The following SEPTIN9 variants were observed in gnomAD, a reference collection of about 807,000 sequenced individuals.
SEPTIN9 encodes septin 9.
Under a neutral mutation model 56.6 loss-of-function variants are expected in SEPTIN9, and 13 were observed. That is an observed-to-expected ratio of 0.23 (90% CI 0.15 to 0.37). SEPTIN9 has a LOEUF of 0.37. Among genes scored for constraint, SEPTIN9 ranks in the 10% least tolerant of loss-of-function variants. SEPTIN9 has a pLI of 1.00. For synonymous variants in SEPTIN9, 332 were observed against 334.1 expected (o/e 0.99, Z 0.07); for missense variants, 650 against 823.1 (o/e 0.79, Z 2.57).
At chr17:77,325,772 TTG>T (rs1331303185) in intron 2 of SEPTIN9, among the ~76,000 whole-genome samples, 2 of 152,180 alleles carry the variant, frequency 1.3e-5, no homozygotes, top group Admixed American at 6.5e-5. Context: ...TGCTTCCTGT[TTG>T]GAGGTGGTCA....
At chr17:77,386,699 G>T (rs2035348007) in intron 2 of SEPTIN9, among the ~76,000 whole-genome samples, 3 of 152,176 alleles carry the variant, frequency 2.0e-5, no homozygotes, top group Admixed American at 2.0e-4. Context: ...GTGACCACAG[G>T]CTTCCTGCCC....
chr17:77,488,716 C>G lies in SEPTIN9; in HGVS notation c.1125-11C>G. The G allele has an allele frequency of 6.2e-7, 1 of 1,613,456 alleles. No individual in the cohort carries two copies. The highest frequency in any genetic ancestry group is 1.6e-4 in the Middle Eastern group (1 of 6,062). ...CATGTGCCTGCTGACTCGTCCCCAT[C>G]CCCCACGCAGCTGGCAGCCCATCAT... On this transcript the variant is annotated splice_polypyrimidine_tract_variant and intron_variant, in intron 6 of 11. Coordinates refer to ENST00000427177, the MANE Select transcript of SEPTIN9 (RefSeq NM_001113491.2).
chr17:77,353,984 C>T (rs1399588865), intron 2 of SEPTIN9, among the ~76,000 whole-genome samples: 4 of 152,106 alleles, frequency 2.6e-5, no homozygotes, highest in Non-Finnish European at 5.9e-5. Flanking sequence ...CTGAAAGACT[C>T]CCCACAAGGG....
intron 3 of SEPTIN9, among the ~76,000 whole-genome samples, chr17:77,463,684 A>C (rs563595407): frequency 3.3e-5 from 5 of 152,110 alleles, no homozygotes; most frequent in African/African-American, 9.6e-5. Context: ...CTCTACTAAA[A>C]ATACAAAAAT....
chr17:77,314,976 T>C (rs2032643518), intron 2 of SEPTIN9, among the ~76,000 whole-genome samples: 2 of 152,180 alleles, frequency 1.3e-5, no homozygotes, highest in Admixed American at 6.5e-5. Flanking sequence ...ACTGGGCCCC[T>C]GTGGAGCCCA....
In SEPTIN9 at chr17:77,437,544, A is replaced by G. The variant is rs999452103; in HGVS notation, c.721+34841A>G. Among the ~76,000 whole-genome samples, 2 of 151,138 alleles carry G rather than the reference A, an allele frequency of 1.3e-5. No individual in the cohort carries two copies. Among genetic ancestry groups the G allele is most frequent in the Non-Finnish European group, 3.0e-5 (2 of 67,722 alleles). On this transcript the variant is annotated intron_variant, in intron 3 of 11. Transcript: ENST00000427177. The surrounding 1 kb of genome is among the most constrained non-coding windows in gnomAD (Gnocchi z 5.3). The stretch of plus-strand genomic sequence containing the variant: ...TCGAGAGGTCAGGAGGCTGCTCAAG[A>G]CCTTCTGCCCCTCAGGGACCAGGTG...
chr17:77,334,694 A>G (rs1953085113), intron 2 of SEPTIN9, among the ~76,000 whole-genome samples: 1 of 152,116 alleles, frequency 6.6e-6, no homozygotes. Flanking sequence ...TTTTCTAGAA[A>G]TTTTATAGTT....
At position 77,451,871 on chromosome 17, in the gene SEPTIN9, GT is replaced by G. The variant is rs2037987399; in HGVS notation, c.722-30270del. On this transcript the variant is annotated intron_variant, in intron 3 of 11. Coordinates refer to ENST00000427177, the MANE Select transcript of SEPTIN9 (RefSeq NM_001113491.2). The surrounding 1 kb of genome is among the most constrained non-coding windows in gnomAD (Gnocchi z 4.2). ...GGAACATGTTTCCTTTTCGCAAGGG[GT>G]TTCCCTGGCTTCCAGGAGGGCCAGG... 1.3e-5 allele frequency among the ~76,000 whole-genome samples: 2 copies of G among 152,252 alleles called. No individual in the cohort carries two copies. The highest frequency in any genetic ancestry group is 1.3e-4 in the Admixed American group (2 of 15,288).
At chr17:77,298,457 A>G (rs924807858) in intron 1 of SEPTIN9, among the ~76,000 whole-genome samples, 9 of 152,186 alleles carry the variant, frequency 5.9e-5, no homozygotes, top group Non-Finnish European at 1.0e-4. Flanking sequence ...TTTCTGGGTT[A>G]CTCAGACCTC....
intron 2 of SEPTIN9, among the ~76,000 whole-genome samples, chr17:77,335,513 TA>T (rs2033516823): frequency 2.6e-5 from 4 of 151,124 alleles, no homozygotes; most frequent in African/African-American, 9.7e-5. Flanking sequence ...ACTGTATATG[TA>T]GTCCTATATT....
At chr17:77,461,284 C>A (rs529027620) in intron 3 of SEPTIN9, among the ~76,000 whole-genome samples, 1 of 152,082 alleles carries the variant, frequency 6.6e-6, no homozygotes, top group East Asian at 1.9e-4. Flanking sequence ...CCAGCCTGGA[C>A]GACAGAGTGA....
rs188630654 is a variant in SEPTIN9, at chr17:77,288,260, T to C, written c.19+6706T>C. 65 of 1,000,202 alleles carry C rather than the reference T, an allele frequency of 6.5e-5. 1 individual carries two copies. The East Asian group carries it at 3.5e-3, about 53-fold the overall frequency. 62.0% of individuals were successfully genotyped at this position (1,000,202 alleles called of 1,614,324 possible). ...CTCCTCCCAGGCTGCTTAAATGACCTGTGACGAGGCCTGCGCCATGGCCGG... is the reference window on the plus strand; with the variant it reads ...CTCCTCCCAGGCTGCTTAAATGACCCGTGACGAGGCCTGCGCCATGGCCGG... On this transcript the variant is annotated intron_variant, in intron 1 of 11. Coordinates refer to ENST00000427177, the MANE Select transcript of SEPTIN9 (RefSeq NM_001113491.2).
intron 2 of SEPTIN9, chr17:77,375,952 A>C (rs2034904304): frequency 1.1e-5 from 3 of 271,692 alleles, no homozygotes; most frequent in Non-Finnish European, 1.7e-5. Context: ...TTGGGTGGAC[A>C]GACAGACGTG....
chr17:77,446,671 C>T (rs1162094491), intron 3 of SEPTIN9: 1 of 167,048 alleles, frequency 6.0e-6, no homozygotes, highest in Non-Finnish European at 1.5e-5. Context: ...TTAAAGGACG[C>T]TTGTGATTTG....
chr17:77,357,252 C>G (rs1378228850), intron 2 of SEPTIN9, among the ~76,000 whole-genome samples: 1 of 152,136 alleles, frequency 6.6e-6, no homozygotes, highest in African/African-American at 2.4e-5. Flanking sequence ...AGAAGAAGAA[C>G]AAGGACACAT....
intron 10 of SEPTIN9, among the ~76,000 whole-genome samples, chr17:77,496,000 C>T (rs2040240946): frequency 6.6e-6 from 1 of 151,974 alleles, no homozygotes; most frequent in South Asian, 2.1e-4. Context: ...GTTCTCTATG[C>T]CTCATTTTCT....
intron 2 of SEPTIN9, among the ~76,000 whole-genome samples, chr17:77,344,735 G>A (rs1339547884): frequency 6.6e-6 from 1 of 152,192 alleles, no homozygotes; most frequent in Non-Finnish European, 1.5e-5. Flanking sequence ...GCTTTGGAAG[G>A]CCGAGGTGGG....
At position 77,310,823 on chromosome 17, in the gene SEPTIN9, G is replaced by A. The variant is rs773662235; in HGVS notation, c.76+3626G>A. Among the ~76,000 whole-genome samples, 2 of 152,108 alleles carry A rather than the reference G, an allele frequency of 1.3e-5. No individual in the cohort carries two copies. Among genetic ancestry groups the A allele is most frequent in the African/African-American group, 2.4e-5 (1 of 41,428 alleles). On this transcript the variant is annotated intron_variant, in intron 2 of 11. Coordinates refer to ENST00000427177, the MANE Select transcript of SEPTIN9 (RefSeq NM_001113491.2). The surrounding 1 kb of genome is among the most constrained non-coding windows in gnomAD (Gnocchi z 4.7). ...TCCCTCCCTCTGGCCCTCAGACCCC[G>A]GCTGGGATCCTTGGAGCCAACTCCT...
intron 2 of SEPTIN9, among the ~76,000 whole-genome samples, chr17:77,357,463 C>T (rs776746722): frequency 6.6e-6 from 1 of 152,182 alleles, no homozygotes; most frequent in Non-Finnish European, 1.5e-5. Context: ...CAAGCTACAC[C>T]TGCTTTATCA....
Sources: gnomAD v4.1 joint callset for allele counts (sites outside exome capture counted in the v4.1 genomes callset) on GRCh38, gnomAD v4.1.1 for gene constraint, Gnocchi (gnomAD v3.1) non-coding constraint, MANE v1.5 for transcripts, NCBI Gene and HGNC (gene_info 2026-07-23, HGNC 2026-07-21) for gene names.